Variants in GAN observed in about 807,000 individuals in gnomAD.
The protein encoded by GAN is epididymis secretory sperm binding protein.
GAN carries 48 observed loss-of-function variants against 71.3 expected under a neutral mutation model. That is an observed-to-expected ratio of 0.67 (90% CI 0.53 to 0.86). The LOEUF (loss-of-function observed/expected upper bound fraction) is 0.86. Ranked by LOEUF, GAN falls within the 40% of genes least tolerant of loss-of-function variation. The probability of loss-of-function intolerance (pLI) is 0.00; values close to 1 mark genes in which losing one functional copy is unlikely to be tolerated. For missense variants in GAN, 928 were observed against 770.1 expected (o/e 1.21, Z -2.43); for synonymous variants, 386 against 276.8 (o/e 1.39, Z -3.92).
rs144711634 is a variant in GAN, at chr16:81,339,615, C to G, written c.168-11968C>G. Among the ~76,000 whole-genome samples, 1,094 of 152,332 alleles carry G rather than the reference C, an allele frequency of 7.2e-3. 45 individuals are homozygous for G. Among genetic ancestry groups the G allele is most frequent in the Admixed American group, 0.059 (896 of 15,304 alleles). Reference sequence around the variant, plus strand: ...AGAAATACCATAATGTAGGCCAGAACTTGATCATTCCATAGTATGTCATAA... The same window carrying G: ...AGAAATACCATAATGTAGGCCAGAAGTTGATCATTCCATAGTATGTCATAA... On this transcript the variant is annotated intron_variant, in intron 1 of 10. Transcript: ENST00000648994.
intron 1 of GAN, among the ~76,000 whole-genome samples, chr16:81,334,455 A>G (rs965497018): frequency 6.6e-6 from 1 of 152,166 alleles, no homozygotes; most frequent in Non-Finnish European, 1.5e-5. Context: ...GCATCTCCGA[A>G]TCTTCCCAGG....
intron 1 of GAN, among the ~76,000 whole-genome samples, chr16:81,315,920 C>T (rs769676361): frequency 9.9e-5 from 15 of 152,244 alleles, no homozygotes; most frequent in Non-Finnish European, 1.8e-4. Flanking sequence ...GTGTCTTTTC[C>T]GCTCCATTCT....
chr16:81,361,198 C>G (rs550291769), intron 5 of GAN, among the ~76,000 whole-genome samples: 2 of 152,100 alleles, frequency 1.3e-5, no homozygotes, highest in African/African-American at 4.8e-5. Flanking sequence ...GCCCTCCAGC[C>G]TGGGCGACAG....
chr16:81,352,204 C>G (rs973137881), intron 2 of GAN, among the ~76,000 whole-genome samples: 6 of 152,148 alleles, frequency 3.9e-5, no homozygotes, highest in African/African-American at 1.2e-4. Context: ...TTCACGATGC[C>G]CTGGTCCTGT....
At chr16:81,368,330 G>A (rs1440773799) in intron 9 of GAN, among the ~76,000 whole-genome samples, 1 of 152,162 alleles carries the variant, frequency 6.6e-6, no homozygotes, top group Non-Finnish European at 1.5e-5. Context: ...CTGGCACAGT[G>A]GCTGACACCT....
intron 1 of GAN, among the ~76,000 whole-genome samples, chr16:81,321,388 C>T (rs1202473876): frequency 6.6e-6 from 1 of 152,174 alleles, no homozygotes; most frequent in Non-Finnish European, 1.5e-5. Flanking sequence ...ACTGTTTTTA[C>T]TTCTGCCTCT....
chr16:81,324,476 G>C (rs1305469910), intron 1 of GAN, among the ~76,000 whole-genome samples: 1 of 152,072 alleles, frequency 6.6e-6, no homozygotes, highest in Non-Finnish European at 1.5e-5. Flanking sequence ...CAGGATCAGG[G>C]GTGGCACCAG....
chr16:81,365,179 C>A, intron 8 of GAN, 69 bp downstream of exon 8: 2 of 1,579,320 alleles, frequency 1.3e-6, no homozygotes, highest in Non-Finnish European at 1.7e-6. Context: ...CCTTACCCTG[C>A]CTGGCTTTTG....
chr16:81,338,448 T>C (rs776013988), intron 1 of GAN, among the ~76,000 whole-genome samples: 24 of 152,138 alleles, frequency 1.6e-4, no homozygotes, highest in Non-Finnish European at 3.1e-4. Context: ...GATTATTCAT[T>C]ACTCATTCAG....
intron 1 of GAN, among the ~76,000 whole-genome samples, chr16:81,320,882 T>G (rs184299069): frequency 6.0e-4 from 92 of 152,316 alleles, no homozygotes; most frequent in Admixed American, 2.2e-3. Context: ...GTCTTGATAG[T>G]TTAATGGTTC....
rs1415367923 is a variant in GAN at position 81,315,162 on chromosome 16, C to T, written c.49C>T (p.Leu17=). 6.4e-7 allele frequency: 1 copy of T among 1,556,932 alleles called. No individual in the cohort carries two copies. ...TGACCCTCAGCACGCCGCGCGTCTG[C>T]TGCGAGCGCTCAGCTCTTTCCGCGA... ...VSDPQHAARL[L]RALSSFREES... is the part of the protein sequence containing the mutation. Residue 17 remains leucine, a synonymous_variant, in exon 1 of 11, where the codon CTG becomes TTG. Transcript: ENST00000648994.
At chr16:81,357,112 T>A in intron 4 of GAN, 110 bp downstream of exon 4, 1 of 798,482 alleles carries the variant, frequency 1.3e-6, no homozygotes, top group East Asian at 2.5e-5. Context: ...TACATTTGAT[T>A]TTTTTTTTTA....
Position 81,388,975 on chromosome 16 carries a change from T to TA in GAN, c.*11385dup, listed in dbSNP as rs1461614727. On this transcript the variant is annotated 3_prime_UTR_variant, in exon 11 of 11. Transcript: ENST00000648994. ...ATTGAAATTGACTTATGTTTTATTT[T>TA]AAAAAATCATGTAGGATCTGGTACA... 2 of 152,180 alleles carry TA rather than the reference T, an allele frequency of 1.3e-5. No individual in the cohort carries two copies. Among genetic ancestry groups the TA allele is most frequent in the African/African-American group, 4.8e-5 (2 of 41,432 alleles). 9.4% of individuals were successfully genotyped at this position (152,180 alleles called of 1,614,324 possible).
intron 1 of GAN, among the ~76,000 whole-genome samples, chr16:81,325,810 G>A (rs894857996): frequency 2.6e-5 from 4 of 152,246 alleles, no homozygotes; most frequent in Non-Finnish European, 5.9e-5. Flanking sequence ...TGTCTTAAAT[G>A]TGTTGAATTT....
intron 1 of GAN, among the ~76,000 whole-genome samples, chr16:81,337,656 T>C (rs561297167): frequency 6.6e-6 from 1 of 152,364 alleles, no homozygotes; most frequent in African/African-American, 2.4e-5. Context: ...GTAGACCCCT[T>C]TCATGGATGT....
In GAN at chr16:81,377,232, A is replaced by G; in HGVS notation, c.1516A>G (p.Asn506Asp). 1 of 1,604,772 alleles carries G rather than the reference A, an allele frequency of 6.2e-7. No homozygotes were observed. Among genetic ancestry groups the G allele is most frequent in the Non-Finnish European group, 8.5e-7 (1 of 1,171,508 alleles). Residue 506 changes from asparagine to aspartate, a missense_variant, in exon 10 of 11, where the codon AAC becomes GAC. By Grantham distance (23) the Asn-to-Asp change is conservative. Transcript: ENST00000648994. ...CTTTGTTTTCAGGTGGATCTATCTT[A>G]ACGACCAGAATTTATGCATCCCCGC... Reference protein sequence around the residue: ...HDEFKRWIYLNDQNLCIPASS... With the variant: ...HDEFKRWIYLDDQNLCIPASS...
At chr16:81,359,920 G>T (rs956125303) in intron 5 of GAN, among the ~76,000 whole-genome samples, 9 of 152,148 alleles carry the variant, frequency 5.9e-5, no homozygotes, top group African/African-American at 2.2e-4. Flanking sequence ...CCTATTTTCG[G>T]ACTGCAGTTG....
At chr16:81,343,589 A>T (rs186480185) in intron 1 of GAN, among the ~76,000 whole-genome samples, 2 of 152,332 alleles carry the variant, frequency 1.3e-5, no homozygotes, top group African/African-American at 2.4e-5. Context: ...AAAAACTCTC[A>T]ATAAACTAGG....
intron 1 of GAN, among the ~76,000 whole-genome samples, chr16:81,343,796 C>T (rs1001095567): frequency 7.2e-5 from 11 of 152,044 alleles, no homozygotes; most frequent in East Asian, 1.9e-4. Flanking sequence ...AGCAATAAAG[C>T]GTATTGAAAT....
Sources: gnomAD v4.1 joint callset for allele counts (sites outside exome capture counted in the v4.1 genomes callset) on GRCh38, gnomAD v4.1.1 for gene constraint, MANE v1.5 for transcripts, NCBI Gene and HGNC (gene_info 2026-07-23, HGNC 2026-07-21) for gene names.